Variants in RANBP3 observed in about 807,000 individuals in gnomAD.
The protein encoded by RANBP3 is RAN binding protein 3.
A neutral mutation model predicts 77.3 loss-of-function variants in RANBP3; 14 were observed. That is an observed-to-expected ratio of 0.18 (90% CI 0.12 to 0.28). The LOEUF is 0.28. Among genes scored for constraint, RANBP3 ranks in the 10% least tolerant of loss-of-function variants. The pLI is 1.00. For synonymous variants in RANBP3, 315 were observed against 312.4 expected (o/e 1.01, Z -0.09); for missense variants, 586 against 752.3 (o/e 0.78, Z 2.59).
chr19:5,935,262 T>C (rs1458354618), intron 5 of RANBP3, among the ~76,000 whole-genome samples: 1 of 152,218 alleles, frequency 6.6e-6, no homozygotes, highest in Non-Finnish European at 1.5e-5. Context: ...ACTATAATAG[T>C]TGTATGAGGG....
intron 6 of RANBP3, chr19:5,932,992 T>C: frequency 3.9e-6 from 1 of 257,874 alleles, no homozygotes; most frequent in Non-Finnish European, 7.5e-6. Context: ...GCATGTGCCC[T>C]GCCCTGTGCA....
At chr19:5,918,239 G>A (rs1012467695) in intron 15 of RANBP3, among the ~76,000 whole-genome samples, 4 of 152,184 alleles carry the variant, frequency 2.6e-5, no homozygotes, top group Middle Eastern at 3.2e-3. Flanking sequence ...CGCCCCACAG[G>A]GCTGTTAGCC....
At chr19:5,938,556 G>A (rs1020367647) in intron 5 of RANBP3, among the ~76,000 whole-genome samples, 1 of 152,150 alleles carries the variant, frequency 6.6e-6, no homozygotes, top group African/African-American at 2.4e-5. Flanking sequence ...GCTGGGCATG[G>A]TGGCACATGC....
Position 5,917,173 on chromosome 19 carries a change from G to T in RANBP3, c.*437C>A. ...CCCAGGCCTATAGTTGGGGAGCCCT[G>T]GGCAGGGGCAGAGGGCTGGCTGCTC... On this transcript the variant is annotated 3_prime_UTR_variant, in exon 17 of 17. Coordinates refer to ENST00000340578, the MANE Select transcript of RANBP3 (RefSeq NM_007322.3). 1 of 249,238 alleles carries T rather than the reference G, an allele frequency of 4.0e-6. No homozygotes were observed. The allele number at this position is 249,238 out of a possible 1,614,324, so 15.4% of individuals were successfully genotyped here.
rs190391413 is a variant in RANBP3 at position 5,971,067 on chromosome 19, C to T, written c.22+6994G>A. On this transcript the variant is annotated intron_variant, in intron 1 of 16. Transcript: ENST00000340578. ...CAGTGGTTCTCAAATTTCCTGGTCTCGGGACCCTTTTCCACGCTTGTCAAT... is the reference window on the plus strand; with the variant it reads ...CAGTGGTTCTCAAATTTCCTGGTCTTGGGACCCTTTTCCACGCTTGTCAAT... Among the ~76,000 whole-genome samples the T allele has an allele frequency of 9.2e-5, 14 of 152,228 alleles. No homozygotes were observed. The East Asian group carries it at 2.1e-3, about 23-fold the overall frequency.
At chr19:5,972,305 T>C (rs766646505) in intron 1 of RANBP3, among the ~76,000 whole-genome samples, 1 of 152,216 alleles carries the variant, frequency 6.6e-6, no homozygotes, top group African/African-American at 2.4e-5. Flanking sequence ...CTGAGATCCA[T>C]AGCTAGTGCT....
intron 2 of RANBP3, among the ~76,000 whole-genome samples, chr19:5,957,372 G>A (rs903906136): frequency 5.3e-5 from 8 of 152,170 alleles, no homozygotes; most frequent in African/African-American, 1.9e-4. Flanking sequence ...CAGACACCCT[G>A]AATCCAAGGG....
rs2058287675 is a variant in RANBP3, at chr19:5,952,490, G to C, written c.79-894C>G. 1.3e-5 allele frequency among the ~76,000 whole-genome samples: 2 copies of C among 152,138 alleles called. No homozygotes were observed. Among genetic ancestry groups the C allele is most frequent in the Non-Finnish European group, 2.9e-5 (2 of 68,026 alleles). ...TGGCCGTAACTCCAAGACTTTTCTTGAGAAATGGGTTAAACACCTGGTGTC... is the reference window on the plus strand; with the variant it reads ...TGGCCGTAACTCCAAGACTTTTCTTCAGAAATGGGTTAAACACCTGGTGTC... On this transcript the variant is annotated intron_variant, in intron 2 of 16. Coordinates refer to ENST00000340578, the MANE Select transcript of RANBP3 (RefSeq NM_007322.3). The surrounding 1 kb of genome is among the most constrained non-coding windows in gnomAD (Gnocchi z 4.1).
intron 13 of RANBP3, among the ~76,000 whole-genome samples, chr19:5,922,307 A>G (rs2057832366): frequency 6.6e-6 from 1 of 152,238 alleles, no homozygotes; most frequent in Non-Finnish European, 1.5e-5. Flanking sequence ...CCCCTAAGTC[A>G]ATCTCTTTCA....
At chr19:5,927,864 C>T in intron 9 of RANBP3, 104 bp downstream of exon 9, 6 of 1,438,122 alleles carry the variant, frequency 4.2e-6, no homozygotes, top group Non-Finnish European at 5.6e-6. Context: ...CCTTCTTTGT[C>T]CCACGCTCCC....
In RANBP3 at chr19:5,932,391, C is replaced by T. The variant is rs556069231; in HGVS notation, c.565+61G>A. 16 of 1,398,274 alleles carry T rather than the reference C, an allele frequency of 1.1e-5. No individual in the cohort carries two copies. The East Asian group carries it at 2.1e-4, about 18-fold the overall frequency. The allele number at this position is 1,398,274 out of a possible 1,614,324, so 86.6% of individuals were successfully genotyped here. ...TGTCGCAACACTGCTGTCCCGGGTG[C>T]GACTTCGGGAACGCTCTACCCTGCC... On this transcript the variant is annotated intron_variant, in intron 7 of 16. Transcript: ENST00000340578.
intron 1 of RANBP3, among the ~76,000 whole-genome samples, chr19:5,972,239 A>G (rs750869072): frequency 1.3e-5 from 2 of 152,242 alleles, no homozygotes; most frequent in African/African-American, 2.4e-5. Context: ...CAGCCCAGGC[A>G]GCAGTTTTGA....
intron 3 of RANBP3, among the ~76,000 whole-genome samples, chr19:5,949,481 TCTCCTGGGG>T (rs2058248475): frequency 6.6e-6 from 1 of 152,166 alleles, no homozygotes; most frequent in Non-Finnish European, 1.5e-5. Flanking sequence ...TGACAATGGC[TCTCCTGGGG>T]CTCCTGAAAG....
At position 5,918,502 on chromosome 19, in the gene RANBP3, C is replaced by A. The variant is rs753300129; in HGVS notation, c.1467G>T (p.Leu489=). The change falls in exon 15 of 17, where the codon CTG becomes CTT. Residue 489 remains leucine, a synonymous_variant. Coordinates refer to ENST00000340578, the MANE Select transcript of RANBP3 (RefSeq NM_007322.3). The part of the protein sequence containing the change: ...DTEDQGVKVF[L]ISASSKDTGQ... ...ACCCGCGTGGCTGGCTCACCGAGATCAGGAAGACCTTCACGCCCTGGTCCT... is the reference window on the plus strand; with the variant it reads ...ACCCGCGTGGCTGGCTCACCGAGATAAGGAAGACCTTCACGCCCTGGTCCT... 4.3e-6 allele frequency: 7 copies of A among 1,609,764 alleles called. No individual in the cohort carries two copies. The East Asian group carries it at 1.3e-4, about 31-fold the overall frequency.
At chr19:5,928,338 C>A in intron 8 of RANBP3, 1 of 334,044 alleles carries the variant, frequency 3.0e-6, no homozygotes, top group Non-Finnish European at 5.4e-6. Flanking sequence ...CAAGAAACAC[C>A]TGTGCCCTGC....
At chr19:5,925,209 G>C (rs1335275511) in intron 10 of RANBP3, 2 of 495,396 alleles carry the variant, frequency 4.0e-6, no homozygotes, top group East Asian at 3.8e-5. Context: ...GGGGCAGCTG[G>C]TCCGTGGGTA....
At chr19:5,937,115 G>A (rs1024488895) in intron 5 of RANBP3, among the ~76,000 whole-genome samples, 7 of 144,950 alleles carry the variant, frequency 4.8e-5, no homozygotes, top group Middle Eastern at 3.8e-3. Flanking sequence ...AGTCGTCAGC[G>A]GGAAACATCA....
rs549037483 is a variant in RANBP3 at position 5,952,708 on chromosome 19, C to T, written c.79-1112G>A. On this transcript the variant is annotated intron_variant, in intron 2 of 16. Coordinates refer to ENST00000340578, the MANE Select transcript of RANBP3 (RefSeq NM_007322.3). This position sits in a 1 kb window ranked among gnomAD's most constrained non-coding sequence, Gnocchi z 4.1. ...GGGCACTACTTAAAAAGCAGTGATCCGGGAGGAGGAAAGGAGCTACAGAAA... is the reference window on the plus strand; with the variant it reads ...GGGCACTACTTAAAAAGCAGTGATCTGGGAGGAGGAAAGGAGCTACAGAAA... Among the ~76,000 whole-genome samples the T allele has an allele frequency of 9.6e-4, 146 of 152,182 alleles. No individual in the cohort carries two copies. The highest frequency in any genetic ancestry group is 3.1e-3 in the African/African-American group (130 of 41,496).
At chr19:5,962,120 C>G (rs531212690) in intron 1 of RANBP3, among the ~76,000 whole-genome samples, 3 of 152,052 alleles carry the variant, frequency 2.0e-5, no homozygotes, top group Non-Finnish European at 2.9e-5. Flanking sequence ...TATCACCCAG[C>G]GTACACCGCA....
Sources: gnomAD v4.1 joint callset for allele counts (sites outside exome capture counted in the v4.1 genomes callset) on GRCh38, gnomAD v4.1.1 for gene constraint, Gnocchi (gnomAD v3.1) non-coding constraint, MANE v1.5 for transcripts, NCBI Gene and HGNC (gene_info 2026-07-23, HGNC 2026-07-21) for gene names.